The following RTN2 variants were observed in gnomAD, a reference collection of about 807,000 sequenced individuals.
RTN2 encodes reticulon-2.
In RTN2, 36 loss-of-function variants were observed where a neutral mutation model predicts 63.7. The observed-to-expected ratio is 0.56, with a 90% CI of 0.43 to 0.75. RTN2 has a LOEUF of 0.75. Among genes scored for constraint, RTN2 ranks in the 30% least tolerant of loss-of-function variants. The pLI, the probability that RTN2 is intolerant of heterozygous loss-of-function variation, is 0.00. For missense variants in RTN2, 673 were observed against 705.1 expected, an observed-to-expected ratio of 0.95 and a Z score of 0.52; for synonymous variants, 312 against 313.0, an observed-to-expected ratio of 1.00 and a Z score of 0.03.
At chr19:45,487,413 T>C (rs913376603) in intron 9 of RTN2, among the ~76,000 whole-genome samples, 2 of 152,000 alleles carry the variant, frequency 1.3e-5, no homozygotes, top group African/African-American at 4.8e-5. Flanking sequence ...TAGGACTAAC[T>C]GGCAGGGCAT....
Position 45,494,237 on chromosome 19 carries a change from C to T in RTN2, c.743G>A (p.Arg248Gln). ...GAGGCACTGTCCCCTTACTGGCTCT[C>T]GCTCCAGTGGCCCCCACTGCTTTTC... ...EEEKQWGPLE[R>Q]EPVRGQCLDS... The change falls in exon 4 of 11, where the codon CGA (arginine) becomes CAA (glutamine). Residue 248 changes from arginine (R) to glutamine (Q), a missense_variant. Transcript: ENST00000245923. The surrounding 1 kb of genome is among the most constrained non-coding windows in gnomAD (Gnocchi z 5.3). 2 of 1,612,476 alleles carry T rather than the reference C, an allele frequency of 1.2e-6. No individual in the cohort carries two copies. Among genetic ancestry groups the T allele is most frequent in the African/African-American group, 1.3e-5 (1 of 75,034 alleles).
chr19:45,493,326 C>A lies in RTN2; in HGVS notation c.867G>T (p.Thr289=). 6.2e-7 allele frequency: 1 copy of A among 1,610,582 alleles called. No individual in the cohort carries two copies. The highest frequency in any genetic ancestry group is 8.5e-7 in the Non-Finnish European group (1 of 1,179,118). The part of the protein sequence containing the change: ...KTSLLLAVYK[T]VPILELSPPL... ...GTGGGGACAATTCCAAAATTGGAAC[C>A]GTCTTGTAAACAGCCAAAAGCAATG... Residue 289 remains threonine (T), a synonymous_variant, in exon 5 of 11, where the codon ACG becomes ACT. Transcript: ENST00000245923.
intron 5 of RTN2, among the ~76,000 whole-genome samples, chr19:45,490,270 G>A (rs535453296): frequency 6.6e-6 from 1 of 152,280 alleles, no homozygotes; most frequent in East Asian, 1.9e-4. Flanking sequence ...AAAGTGCTGG[G>A]ATTACAGGCA....
At position 45,489,150 on chromosome 19, in the gene RTN2, G is replaced by T. The variant is rs1488604197; in HGVS notation, c.1242-164C>A. ...TGTAGAGGGCTGGGGTCAGGGTCAGGGTCAGGGGAAGGGATCGAGGATGAA... is the reference window on the plus strand; with the variant it reads ...TGTAGAGGGCTGGGGTCAGGGTCAGTGTCAGGGGAAGGGATCGAGGATGAA... On this transcript the variant is annotated intron_variant, in intron 6 of 10. Coordinates refer to ENST00000245923, the MANE Select transcript of RTN2 (RefSeq NM_005619.5). 3.3e-6 allele frequency: 3 copies of T among 920,616 alleles called. No homozygotes were observed. In the East Asian group the frequency reaches 7.9e-5, roughly 24 times the overall value. The allele number at this position is 920,616 out of a possible 1,614,324, so 57.0% of individuals were successfully genotyped here. A position where few individuals can be genotyped will look rare whatever the true frequency, so the allele number is the denominator to read the frequency against.
intron 9 of RTN2, among the ~76,000 whole-genome samples, chr19:45,486,346 G>GT (rs1188350575): frequency 6.6e-6 from 1 of 152,166 alleles, no homozygotes; most frequent in African/African-American, 2.4e-5. Context: ...GAACGCACAA[G>GT]TATCTGGCAG....
chr19:45,485,438 G>C lies in RTN2; in HGVS notation c.*270C>G, dbSNP rs527298509. The stretch of plus-strand genomic sequence containing the variant: ...CCAGCGGCGGGTCCGGAAGTGCAGG[G>C]TGGTGCCCTGTCTAGGCAACTACAA... On this transcript the variant is annotated 3_prime_UTR_variant, in exon 11 of 11. Coordinates refer to ENST00000245923, the MANE Select transcript of RTN2 (RefSeq NM_005619.5). The C allele has an allele frequency of 2.0e-6, 1 of 502,474 alleles. No homozygotes were observed. The highest frequency in any genetic ancestry group is 1.9e-5 in the African/African-American group (1 of 52,206). 31.1% of individuals were successfully genotyped at this position (502,474 alleles called of 1,614,324 possible).
chr19:45,485,975 G>GC, intron 10 of RTN2, 80 bp downstream of exon 10: 1 of 1,419,880 alleles, frequency 7.0e-7, no homozygotes, highest in Non-Finnish European at 9.9e-7. Flanking sequence ...CAGGAGATTT[G>GC]CGGACAGCGA....
chr19:45,490,535 CTGTGTGTGTGTGTGTGTGTGTGTG>C (rs56279132), intron 5 of RTN2, among the ~76,000 whole-genome samples: 38 of 145,764 alleles, frequency 2.6e-4, no homozygotes, highest in African/African-American at 9.2e-4. Flanking sequence ...GGTTGTGTGT[CTGTGTGTGTGTGTGTGTGTGTGTG>C]TGTGTGTGTG....
At chr19:45,492,854 G>A (rs532462514) in intron 5 of RTN2, among the ~76,000 whole-genome samples, 7 of 152,142 alleles carry the variant, frequency 4.6e-5, no homozygotes, top group African/African-American at 9.7e-5. Context: ...AGGCACGCTG[G>A]GGGGAGGGGG....
Position 45,494,719 on chromosome 19 carries a change from T to C in RTN2, c.366A>G (p.Gly122=). ...GCGCGGTGTCAGGATCACCCCGTCGTCCAGGCTCCGGGGATTGGCTCAGGC... is the reference window on the plus strand; with the variant it reads ...GCGCGGTGTCAGGATCACCCCGTCGCCCAGGCTCCGGGGATTGGCTCAGGC... ...IPSLSQSPEP[G]RRGDPDTAPP... The change falls in exon 3 of 11, where the codon GGA becomes GGG. Residue 122 remains glycine (G), a synonymous_variant. Transcript: ENST00000245923. This position sits in a 1 kb window ranked among gnomAD's most constrained non-coding sequence, Gnocchi z 5.3. The C allele has an allele frequency of 6.2e-7, 1 of 1,612,876 alleles. No individual in the cohort carries two copies. The highest frequency in any genetic ancestry group is 1.7e-5 in the Admixed American group (1 of 60,020).
At chr19:45,489,609 C>G in intron 5 of RTN2, 56 bp from the exon 6 acceptor site, 1 of 1,258,984 alleles carries the variant, frequency 7.9e-7, no homozygotes, top group Non-Finnish European at 1.1e-6. Context: ...GTCTCCTCAC[C>G]TCCCTTTCCC....
In RTN2 at chr19:45,493,248, A is replaced by T; in HGVS notation, c.945T>A (p.Pro315=). The T allele has an allele frequency of 6.2e-7, 1 of 1,613,750 alleles. No individual in the cohort carries two copies. Among genetic ancestry groups the T allele is most frequent in the Non-Finnish European group, 8.5e-7 (1 of 1,179,964 alleles). The stretch of plus-strand genomic sequence containing the variant: ...CCCACTTCAGTAGAACCCGGAGGAC[A>T]GGAGTAGGGGGGGTGGGGCCCCTTT... ...WVQRGPTPPT[P]VLRVLLKWAK... The change falls in exon 5 of 11, where the codon CCT becomes CCA. Residue 315 remains proline, a synonymous_variant. Coordinates refer to ENST00000245923, the MANE Select transcript of RTN2 (RefSeq NM_005619.5).
At position 45,488,926 on chromosome 19, in the gene RTN2, C is replaced by T; in HGVS notation, c.1302G>A (p.Gln434=). The change falls in exon 7 of 11, where the codon CAG becomes CAA. Residue 434 remains glutamine (Q), a synonymous_variant. Transcript: ENST00000245923. ...CCGCCGAGACCACGCGGGAGGTGATCTGGTGGGACAAACGTTCCGTCTGCT... is the reference window on the plus strand; with the variant it reads ...CCGCCGAGACCACGCGGGAGGTGATTTGGTGGGACAAACGTTCCGTCTGCT... The part of the protein sequence containing the change: ...TREQTERLSH[Q]ITSRVVSAAT... 6.2e-7 allele frequency: 1 copy of T among 1,611,136 alleles called. No individual in the cohort carries two copies. Among genetic ancestry groups the T allele is most frequent in the African/African-American group, 1.3e-5 (1 of 75,004 alleles).
intron 5 of RTN2, among the ~76,000 whole-genome samples, chr19:45,490,556 T>TGTGTGTGTGA (rs1273693848): frequency 2.0e-5 from 3 of 151,544 alleles, no homozygotes; most frequent in Admixed American, 2.0e-4. Flanking sequence ...TGTGTGTGTG[T>TGTGTGTGTGA]GTGTGTGTGT....
chr19:45,489,677 T>A (rs1021009357), intron 5 of RTN2, 124 bp from the exon 6 acceptor site: 7 of 81,978 alleles, frequency 8.5e-5, no homozygotes, highest in South Asian at 2.8e-4. Context: ...CCTGATTTCC[T>A]TTTTTTTTTT....
At chr19:45,485,817 G>C in intron 10 of RTN2, 28 bp from the exon 11 acceptor site, 1 of 1,585,526 alleles carries the variant, frequency 6.3e-7, no homozygotes, top group Non-Finnish European at 8.7e-7. Context: ...GGGATCACGA[G>C]GTGGGGCAAG....
Position 45,494,296 on chromosome 19 carries a change from G to T in RTN2, c.684C>A (p.Asn228Lys). Reference sequence around the variant, plus strand: ...CCAGCAATGGCTCTTCGGGCCCAGAGTTCGAATCTCGCGATCGGGATGGGG... The same window carrying T: ...CCAGCAATGGCTCTTCGGGCCCAGATTTCGAATCTCGCGATCGGGATGGGG... Reference protein sequence around the residue: ...TPSPSRSRDSNSGPEEPLLEE... With the variant: ...TPSPSRSRDSKSGPEEPLLEE... Residue 228 changes from asparagine (N) to lysine (K), a missense_variant, in exon 4 of 11, where the codon AAC (asparagine) becomes AAA (lysine). Physicochemically the swap from Asn to Lys is moderately conservative, Grantham distance 94 (BLOSUM62 0). Transcript: ENST00000245923. This position sits in a 1 kb window ranked among gnomAD's most constrained non-coding sequence, Gnocchi z 5.3. 1.2e-6 allele frequency: 2 copies of T among 1,614,100 alleles called. No individual in the cohort carries two copies. The highest frequency in any genetic ancestry group is 8.5e-7 in the Non-Finnish European group (1 of 1,180,034).
At chr19:45,493,458 TTTG>T in intron 4 of RTN2, 80 bp from the exon 5 acceptor site, 1 of 1,066,516 alleles carries the variant, frequency 9.4e-7, no homozygotes, top group Non-Finnish European at 1.4e-6. Context: ...AAAGAGGGTT[TTTG>T]TTTGTTTTTT....
chr19:45,486,742 T>C (rs1968030952), intron 9 of RTN2, among the ~76,000 whole-genome samples: 1 of 146,972 alleles, frequency 6.8e-6, no homozygotes, highest in South Asian at 2.2e-4. Context: ...CTTTCTTTTT[T>C]TTTTTTTCCT....
Sources: gnomAD v4.1 joint callset for allele counts (sites outside exome capture counted in the v4.1 genomes callset) on GRCh38, gnomAD v4.1.1 for gene constraint, Gnocchi (gnomAD v3.1) non-coding constraint, MANE v1.5 for transcripts, NCBI Gene and HGNC (gene_info 2026-07-23, HGNC 2026-07-21) for gene names.